The following DNAH3 variants were observed in gnomAD, a reference collection of about 807,000 sequenced individuals.
DNAH3 encodes the protein axonemal beta dynein heavy chain 3.
A neutral mutation model predicts 432.5 loss-of-function variants in DNAH3; 332 were observed. The ratio of observed to expected loss-of-function variants is 0.77; its 90% CI spans 0.70 to 0.84. The LOEUF is 0.84. DNAH3 is among the 40% of genes least tolerant of loss of function. DNAH3 has a pLI of 0.00. For synonymous variants in DNAH3, 1,956 were observed against 1,900.2 expected, an observed-to-expected ratio of 1.03 and a Z score of -0.76; for missense variants, 4,861 against 5,114.0, an observed-to-expected ratio of 0.95 and a Z score of 1.51.
At chr16:21,039,647 C>T (rs546643196) in intron 33 of DNAH3, among the ~76,000 whole-genome samples, 3 of 152,218 alleles carry the variant, frequency 2.0e-5, no homozygotes, top group Non-Finnish European at 4.4e-5. Context: ...AGCAGGGTTC[C>T]GCCCTGGGAA....
chr16:21,039,467 C>T (rs1403080537), intron 33 of DNAH3, among the ~76,000 whole-genome samples: 1 of 152,036 alleles, frequency 6.6e-6, no homozygotes, highest in Non-Finnish European at 1.5e-5. Context: ...TGATACCCCG[C>T]CTTGCCTGCC....
chr16:21,097,424 T>C, exon 18 of DNAH3: 1 of 1,613,996 alleles, frequency 6.2e-7, no homozygotes, highest in South Asian at 1.1e-5. Context: ...TAAGGTACTT[T>C]GTTCTTCAGC....
intron 41 of DNAH3, among the ~76,000 whole-genome samples, chr16:21,011,658 G>C (rs924949603): frequency 2.0e-5 from 3 of 149,038 alleles, no homozygotes; most frequent in Admixed American, 6.6e-5. Flanking sequence ...ACCGTGCCAG[G>C]CTGAAACTTG....
chr16:20,995,982 C>G (rs1389145), intron 44 of DNAH3, among the ~76,000 whole-genome samples: 76,585 of 152,170 alleles, frequency 0.5, 19,550 homozygotes, highest in South Asian at 0.61. Context: ...GATAATTGCA[C>G]GTCTTGCAGC....
At chr16:20,933,547 T>TCC in intron 61 of DNAH3, 40 bp from the exon 62 acceptor site, 2 of 1,496,280 alleles carry the variant, frequency 1.3e-6, no homozygotes, top group South Asian at 2.6e-5. Context: ...TGCCTGCCAT[T>TCC]TTCCTACATG....
At chr16:21,000,131 G>GT in intron 43 of DNAH3, 93 bp downstream of exon 43, 1 of 1,319,506 alleles carries the variant, frequency 7.6e-7, no homozygotes, top group South Asian at 1.4e-5. Flanking sequence ...GAGAGTAAAG[G>GT]TATGTACAGT....
At position 21,027,082 on chromosome 16, in the gene DNAH3, T is replaced by C. The variant is rs146985851; in HGVS notation, c.5485A>G (p.Ser1829Gly). The change falls in exon 38 of 62, where the codon AGC becomes GGC. Residue 1829 changes from serine (S) to glycine (G), a missense_variant. Ser to Gly is a moderately conservative substitution (Grantham distance 56). Coordinates refer to ENST00000261383, the Ensembl canonical transcript of DNAH3. ...AGGTCGGCGGGCTCGAAGATCAGGCTCATCTTGGAGTTCATCTGGATAATT... is the reference window on the plus strand; with the variant it reads ...AGGTCGGCGGGCTCGAAGATCAGGCCCATCTTGGAGTTCATCTGGATAATT... 108 of 1,613,756 alleles carry C rather than the reference T, an allele frequency of 6.7e-5. No homozygotes were observed. In the Middle Eastern group the frequency reaches 9.9e-4, roughly 15 times the overall value.
chr16:20,970,032 CT>C (rs1291195113), intron 51 of DNAH3, 42 bp from the exon 52 acceptor site: 1 of 1,587,896 alleles, frequency 6.3e-7, no homozygotes. Context: ...TGCCCAGGGC[CT>C]GGCACAATGG....
intron 3 of DNAH3, among the ~76,000 whole-genome samples, chr16:21,141,671 A>G (rs1291416648): frequency 6.6e-6 from 1 of 152,046 alleles, no homozygotes; most frequent in Non-Finnish European, 1.5e-5. Flanking sequence ...TGTTTCATGT[A>G]CTCTCCAATA....
In DNAH3 at chr16:20,985,518, C is replaced by A. The variant is rs375473085; in HGVS notation, c.7224G>T (p.Met2408Ile). ...AGATGTGCTCAATGGCAAACCTGAA[C>A]ATGACCAGGGACATGGGGGCCTTGC... is the stretch of plus-strand genomic sequence containing the variant. Residue 2408 changes from methionine (M) to isoleucine (I), a missense_variant, in exon 48 of 62, where the codon ATG (methionine) becomes ATT (isoleucine). Physicochemically the swap from Met to Ile is conservative, Grantham distance 10 (BLOSUM62 1). Transcript: ENST00000261383. The A allele has an allele frequency of 1.2e-5, 19 of 1,614,088 alleles. No individual in the cohort carries two copies. Among genetic ancestry groups the A allele is most frequent in the Admixed American group, 3.3e-5 (2 of 60,006 alleles).
chr16:21,050,829 G>C (rs1050913137), intron 29 of DNAH3, among the ~76,000 whole-genome samples: 4 of 152,132 alleles, frequency 2.6e-5, no homozygotes, highest in Non-Finnish European at 4.4e-5. Flanking sequence ...CATGTAATAG[G>C]TGCAAGATAA....
chr16:21,060,374 G>C lies in DNAH3; in HGVS notation c.3721-18C>G, dbSNP rs1415575015. On this transcript the variant is annotated intron_variant, in intron 25 of 61. Coordinates refer to ENST00000261383, the Ensembl canonical transcript of DNAH3. Reference sequence around the variant, plus strand: ...ACCATGCCCTATGGAGCAAGACAGAGAGAGGGTGCAGCAGTCAACCAAAGC... The same window carrying C: ...ACCATGCCCTATGGAGCAAGACAGACAGAGGGTGCAGCAGTCAACCAAAGC... 2.5e-6 allele frequency: 4 copies of C among 1,605,778 alleles called. No homozygotes were observed. The highest frequency in any genetic ancestry group is 2.6e-6 in the Non-Finnish European group (3 of 1,173,046).
intron 50 of DNAH3, among the ~76,000 whole-genome samples, chr16:20,977,668 T>C (rs1190372695): frequency 6.6e-6 from 1 of 152,212 alleles, no homozygotes; most frequent in Non-Finnish European, 1.5e-5. Flanking sequence ...CTCCCCAGGC[T>C]GTGTGATCAT....
At chr16:21,154,321 C>G (rs1046818780) in intron 1 of DNAH3, among the ~76,000 whole-genome samples, 1 of 151,984 alleles carries the variant, frequency 6.6e-6, no homozygotes, top group Non-Finnish European at 1.5e-5. Flanking sequence ...AGGAGAATTG[C>G]ATGAACACAG....
chr16:21,071,159 C>A (rs1444038506), intron 21 of DNAH3, among the ~76,000 whole-genome samples: 1 of 152,146 alleles, frequency 6.6e-6, no homozygotes, highest in African/African-American at 2.4e-5. Flanking sequence ...TCTCCTGCCT[C>A]AGCCTCCTGA....
chr16:20,948,722 C>A, intron 56 of DNAH3, 85 bp from the exon 57 acceptor site: 2 of 1,444,762 alleles, frequency 1.4e-6, no homozygotes, highest in Non-Finnish European at 1.9e-6. Context: ...GGCATTCTTC[C>A]GGCCAAAGAT....
intron 9 of DNAH3, 147 bp from the exon 11 acceptor site, chr16:21,122,271 G>C (rs1368167970): frequency 9.1e-6 from 6 of 661,634 alleles, no homozygotes; most frequent in Non-Finnish European, 1.5e-5. Context: ...AATATGGGCT[G>C]GGGCTGGGCA....
At position 21,067,367 on chromosome 16, in the gene DNAH3, T is replaced by G. The variant is rs1260846928; in HGVS notation, c.3434A>C (p.Lys1145Thr). 6 of 1,613,946 alleles carry G rather than the reference T, an allele frequency of 3.7e-6. No individual in the cohort carries two copies. In the Admixed American group the frequency reaches 6.7e-5, roughly 18 times the overall value. Reference sequence around the variant, plus strand: ...CAAGAGAAAGTTGGCTTCTTGAAGCTTCTCTGCCATCCGTGGCTGGTCGGC... The same window carrying G: ...CAAGAGAAAGTTGGCTTCTTGAAGCGTCTCTGCCATCCGTGGCTGGTCGGC... The change falls in exon 24 of 62, where the codon AAG (lysine) becomes ACG (threonine). Residue 1145 changes from lysine (K) to threonine (T), a missense_variant. Transcript: ENST00000261383.
chr16:20,997,452 G>T (rs2086811462), exon 44 of DNAH3: 1 of 1,613,976 alleles, frequency 6.2e-7, no homozygotes. Flanking sequence ...TGGCTGGCAT[G>T]TTGAGGTCAT....
Sources: gnomAD v4.1 joint callset for allele counts (sites outside exome capture counted in the v4.1 genomes callset) on GRCh38, gnomAD v4.1.1 for gene constraint, MANE v1.5 for transcripts, NCBI Gene and HGNC (gene_info 2026-07-23, HGNC 2026-07-21) for gene names.